The following DSCAM variants were observed in gnomAD, a reference collection of about 807,000 sequenced individuals.
DSCAM encodes cell adhesion molecule DSCAM.
DSCAM carries 47 observed loss-of-function variants against 217.7 expected under a neutral mutation model. That is an observed-to-expected ratio of 0.22 (90% CI 0.17 to 0.28). DSCAM has a LOEUF of 0.28. DSCAM is among the 10% of genes least tolerant of loss of function. The pLI is 1.00. For missense variants in DSCAM, 2,080 were observed against 2,618.3 expected, an observed-to-expected ratio of 0.79 and a Z score of 4.49; for synonymous variants, 1,056 against 1,015.3, an observed-to-expected ratio of 1.04 and a Z score of -0.76.
At chr21:40,078,644 C>A in intron 26 of DSCAM, 43 bp downstream of exon 26, 1 of 1,591,456 alleles carries the variant, frequency 6.3e-7, no homozygotes, top group Non-Finnish European at 8.6e-7. Flanking sequence ...CGTGCACATC[C>A]CCCAAGACAC....
intron 32 of DSCAM, among the ~76,000 whole-genome samples, chr21:40,021,222 A>G (rs572866146): frequency 1.5e-3 from 235 of 151,644 alleles, no homozygotes; most frequent in African/African-American, 5.1e-3. Flanking sequence ...AAAAAAAAAA[A>G]AAAAGAAAAG....
intron 3 of DSCAM, among the ~76,000 whole-genome samples, chr21:40,439,119 C>T (rs9967964): frequency 0.69 from 105,483 of 152,044 alleles, 36,980 homozygotes; most frequent in Middle Eastern, 0.81. Context: ...TGGGTCCTAG[C>T]TTACTCATTT....
rs748310632 is a variant in DSCAM at position 40,144,629 on chromosome 21, C to A, written c.3121G>T (p.Asp1041Tyr). The change falls in exon 17 of 33, where the codon GAC (aspartate) becomes TAC (tyrosine). Residue 1041 changes from aspartate to tyrosine, a missense_variant. This residue lies in a region of DSCAM where 1,144 missense variants were observed against 1,421.1 expected (regional missense o/e 0.81). Transcript: ENST00000400454. The surrounding 1 kb of genome is among the most constrained non-coding windows in gnomAD (Gnocchi z 4.8). ...TAAACCTCACTGTCCCCGCTGGTGT[C>A]GACACTGATAATGTTGAATTGGAAG... is the stretch of plus-strand genomic sequence containing the variant. ...GNFQFNIISV[D>Y]TSGDSEVYTL... 12 of 1,613,894 alleles carry A rather than the reference C, an allele frequency of 7.4e-6. No homozygotes were observed. The East Asian group carries it at 2.5e-4, about 33-fold the overall frequency.
chr21:40,710,069 T>C (rs545142014), intron 1 of DSCAM, among the ~76,000 whole-genome samples: 3 of 152,350 alleles, frequency 2.0e-5, no homozygotes, highest in African/African-American at 7.2e-5. Context: ...GTGGCTTTGA[T>C]TTGCATTTCT....
intron 3 of DSCAM, among the ~76,000 whole-genome samples, chr21:40,623,668 A>G (rs4816691): frequency 0.92 from 139,783 of 152,282 alleles, 64,404 homozygotes; most frequent in African/African-American, 0.98. Flanking sequence ...TCTGTGCAGA[A>G]GGGCTCACCT....
intron 10 of DSCAM, among the ~76,000 whole-genome samples, chr21:40,285,404 C>G (rs1257992872): frequency 6.6e-6 from 1 of 152,072 alleles, no homozygotes; most frequent in African/African-American, 2.4e-5. Context: ...AAAGGAAGAG[C>G]AAGATGGGCC....
intron 3 of DSCAM, among the ~76,000 whole-genome samples, chr21:40,465,202 A>G (rs1305797611): frequency 1.3e-5 from 2 of 151,970 alleles, no homozygotes; most frequent in African/African-American, 4.8e-5. Context: ...TTTCTCATCA[A>G]TCTATCCTTC....
Position 40,706,062 on chromosome 21 carries a change from T to C in DSCAM, c.361+2392A>G, listed in dbSNP as rs190121319. ...TGGGTGTGGTGGCGGGTGCCTGTAG[T>C]CCCAGCTACTCTGGAGGCTGGGCAG... is the stretch of plus-strand genomic sequence containing the variant. On this transcript the variant is annotated intron_variant, in intron 2 of 32. Transcript: ENST00000400454. 5.7e-3 allele frequency among the ~76,000 whole-genome samples: 856 copies of C among 151,456 alleles called. 8 individuals are homozygous for C. Among genetic ancestry groups the C allele is most frequent in the African/African-American group, 0.02 (821 of 41,246 alleles).
At chr21:40,038,232 C>A (rs1347068317) in intron 32 of DSCAM, among the ~76,000 whole-genome samples, 1 of 114,832 alleles carries the variant, frequency 8.7e-6, no homozygotes, top group East Asian at 2.6e-4. Context: ...GAACAGGCAA[C>A]CTACAAAATG....
intron 1 of DSCAM, among the ~76,000 whole-genome samples, chr21:40,748,766 G>C (rs545975115): frequency 5.9e-5 from 9 of 152,108 alleles, no homozygotes; most frequent in African/African-American, 1.7e-4. Flanking sequence ...AAAAGATCCT[G>C]GAGAGCTAAA....
At chr21:40,569,768 A>G (rs188240894) in intron 3 of DSCAM, among the ~76,000 whole-genome samples, 198 of 152,270 alleles carry the variant, frequency 1.3e-3, no homozygotes, top group African/African-American at 4.6e-3. Context: ...ATTAGAAATG[A>G]CTTCTTTAGG....
Position 40,012,924 on chromosome 21 carries a change from T to A in DSCAM, c.*110A>T. ...TATTTTCTCTTTTTTTTTTTTAATATATTTTGGCAATTTTCTTTAATTATA... is the reference window on the plus strand; with the variant it reads ...TATTTTCTCTTTTTTTTTTTTAATAAATTTTGGCAATTTTCTTTAATTATA... On this transcript the variant is annotated 3_prime_UTR_variant, in exon 33 of 33. Coordinates refer to ENST00000400454, the MANE Select transcript of DSCAM (RefSeq NM_001389.5). The A allele has an allele frequency of 9.3e-6, 7 of 751,526 alleles. No individual in the cohort carries two copies. Among genetic ancestry groups the A allele is most frequent in the African/African-American group, 1.8e-5 (1 of 54,202 alleles). 46.6% of individuals were successfully genotyped at this position (751,526 alleles called of 1,614,324 possible).
At chr21:40,345,270 T>C (rs1027347815) in intron 6 of DSCAM, among the ~76,000 whole-genome samples, 3 of 152,244 alleles carry the variant, frequency 2.0e-5, no homozygotes, top group Admixed American at 2.0e-4. Flanking sequence ...TCTTTTGTCC[T>C]TTGGGTGCAG....
chr21:40,412,211 G>A (rs576872594), intron 3 of DSCAM, among the ~76,000 whole-genome samples: 9 of 152,052 alleles, frequency 5.9e-5, no homozygotes, highest in African/African-American at 7.2e-5. Flanking sequence ...CTTTATCAGC[G>A]GCATGAAAAT....
chr21:40,538,334 T>C (rs1666211180), intron 3 of DSCAM, among the ~76,000 whole-genome samples: 1 of 152,120 alleles, frequency 6.6e-6, no homozygotes, highest in Non-Finnish European at 1.5e-5. Flanking sequence ...AGCAGGAAGC[T>C]AAGCAGGCCC....
chr21:40,328,940 T>C (rs2074346503), intron 8 of DSCAM, among the ~76,000 whole-genome samples: 1 of 152,010 alleles, frequency 6.6e-6, no homozygotes, highest in Non-Finnish European at 1.5e-5. Flanking sequence ...ATCAGGGAAA[T>C]GCAAACTAAA....
intron 20 of DSCAM, among the ~76,000 whole-genome samples, chr21:40,101,725 T>A (rs2089753803): frequency 6.6e-6 from 1 of 151,970 alleles, no homozygotes; most frequent in Admixed American, 6.6e-5. Flanking sequence ...GCTTATGTAA[T>A]GAACCATCTC....
At chr21:40,282,178 A>G (rs2073769328) in intron 10 of DSCAM, among the ~76,000 whole-genome samples, 1 of 152,226 alleles carries the variant, frequency 6.6e-6, no homozygotes, top group African/African-American at 2.4e-5. Context: ...TTTGAAAATC[A>G]GTAAAGGCTA....
intron 11 of DSCAM, among the ~76,000 whole-genome samples, chr21:40,225,221 T>G (rs1490722678): frequency 6.6e-5 from 10 of 152,142 alleles, no homozygotes; most frequent in Admixed American, 6.5e-4. Flanking sequence ...GTACTTGTAT[T>G]TCCCTTCTCT....
Sources: allele counts gnomAD v4.1 joint callset (sites outside exome capture counted in the v4.1 genomes callset), GRCh38; gene constraint gnomAD v4.1.1; regional missense constraint gnomAD v4.1.1; non-coding constraint Gnocchi (gnomAD v3.1); transcripts MANE v1.5; gene names NCBI Gene and HGNC (gene_info 2026-07-23, HGNC 2026-07-21).